EIF3L: variants seen among roughly 807,000 people sequenced by gnomAD.
EIF3L encodes the protein eIEF associated protein HSPC021.
In EIF3L, 32 loss-of-function variants were observed where a neutral mutation model predicts 74.6. The observed-to-expected ratio is 0.43, with a 90% CI of 0.32 to 0.58. EIF3L has a LOEUF of 0.58. Ranked by LOEUF, EIF3L falls within the 20% of genes least tolerant of loss-of-function variation. The pLI is 0.06. For missense variants in EIF3L, 474 were observed against 707.8 expected, an observed-to-expected ratio of 0.67 and a Z score of 3.75; for synonymous variants, 256 against 254.4, an observed-to-expected ratio of 1.01 and a Z score of -0.06.
chr22:37,868,468 C>T (rs1032076974), intron 7 of EIF3L, among the ~76,000 whole-genome samples: 4 of 148,640 alleles, frequency 2.7e-5, no homozygotes, highest in Non-Finnish European at 6.0e-5. Flanking sequence ...TTTTTTTCCC[C>T]CCTAAGGCGG....
At chr22:37,859,288 A>C (rs1424039373) in intron 5 of EIF3L, among the ~76,000 whole-genome samples, 1 of 150,990 alleles carries the variant, frequency 6.6e-6, no homozygotes, top group Non-Finnish European at 1.5e-5. Flanking sequence ...TTGTTATAAC[A>C]CCAGTATTCT....
intron 4 of EIF3L, among the ~76,000 whole-genome samples, chr22:37,857,363 G>C (rs111282864): frequency 0.065 from 5,724 of 88,014 alleles, 491 homozygotes; most frequent in African/African-American, 0.26. Flanking sequence ...GAGCAAGACT[G>C]CGTCCCAAAA....
intron 8 of EIF3L, among the ~76,000 whole-genome samples, chr22:37,872,454 C>T (rs1450877153): frequency 6.6e-6 from 1 of 152,058 alleles, no homozygotes; most frequent in Non-Finnish European, 1.5e-5. Context: ...TATTGGTTCT[C>T]TGAGTTATAA....
At chr22:37,888,280 GCA>G in intron 12 of EIF3L, 144 bp from the exon 13 acceptor site, 1 of 737,450 alleles carries the variant, frequency 1.4e-6, no homozygotes, top group Non-Finnish European at 2.3e-6. Flanking sequence ...TCACGGCTTT[GCA>G]CACACATAGT....
chr22:37,859,364 C>A (rs1021589814), intron 5 of EIF3L, among the ~76,000 whole-genome samples: 34 of 101,920 alleles, frequency 3.3e-4, no homozygotes, highest in Admixed American at 9.8e-4. Context: ...TTATAGAGTA[C>A]GTGAAGTTTC....
chr22:37,884,974 G>C (rs550414256), intron 11 of EIF3L: 1 of 123,810 alleles, frequency 8.1e-6, no homozygotes, highest in Admixed American at 1.0e-4. Flanking sequence ...CTGGAGTGCA[G>C]TGGCAAAATC....
intron 8 of EIF3L, among the ~76,000 whole-genome samples, chr22:37,871,488 A>T (rs1182162641): frequency 6.6e-6 from 1 of 150,892 alleles, no homozygotes; most frequent in Non-Finnish European, 1.5e-5. Context: ...TTAAAAGATT[A>T]TAATAAAGTT....
intron 8 of EIF3L, among the ~76,000 whole-genome samples, chr22:37,871,896 A>G (rs1926497914): frequency 6.7e-6 from 1 of 150,274 alleles, no homozygotes; most frequent in South Asian, 2.1e-4. Context: ...AAAAAAAGAT[A>G]TCTCATTAGG....
Position 37,870,267 on chromosome 22 carries a change from T to C in EIF3L, c.671T>C (p.Val224Ala), listed in dbSNP as rs1926399792. 1 of 1,613,968 alleles carries C rather than the reference T, an allele frequency of 6.2e-7. No individual in the cohort carries two copies. Among genetic ancestry groups the C allele is most frequent in the African/African-American group, 1.3e-5 (1 of 74,930 alleles). The change falls in exon 8 of 13, where the codon GTT becomes GCT. Residue 224 changes from valine (V) to alanine (A), a missense_variant. Physicochemically the swap from Val to Ala is moderately conservative, Grantham distance 64. Coordinates refer to ENST00000652021, the MANE Select transcript of EIF3L (RefSeq NM_016091.4). ...CGTTCCAATCCCAAAATCTGGAATG[T>C]TCATAGTGTCCTCAATGTCCTTCAT... ...FLRSNPKIWNVHSVLNVLHSL... is the reference protein window; with the variant it reads ...FLRSNPKIWNAHSVLNVLHSL...
chr22:37,860,419 G>A (rs895649214), intron 5 of EIF3L, among the ~76,000 whole-genome samples: 4 of 152,138 alleles, frequency 2.6e-5, no homozygotes, highest in South Asian at 2.1e-4. Context: ...CAGTGGCGCC[G>A]TCTCGGCTCA....
intron 2 of EIF3L, chr22:37,850,432 C>T (rs1210819661): frequency 8.6e-6 from 2 of 233,712 alleles, no homozygotes; most frequent in Non-Finnish European, 1.8e-5. Flanking sequence ...GTCCCTCGTT[C>T]AAGCAGTAGT....
chr22:37,878,417 TAAAAAAA>T (rs34181613), intron 11 of EIF3L: 4 of 143,208 alleles, frequency 2.8e-5, no homozygotes, highest in South Asian at 4.3e-4. Context: ...TTTTCTCTAT[TAAAAAAA>T]AAAAAAAAAA....
intron 4 of EIF3L, among the ~76,000 whole-genome samples, chr22:37,857,157 C>T (rs1288218029): frequency 1.3e-5 from 2 of 151,598 alleles, no homozygotes; most frequent in African/African-American, 4.8e-5. Context: ...GTCAGGAGAT[C>T]GAGACCATCC....
At chr22:37,852,891 G>A (rs1332455581) in intron 3 of EIF3L, among the ~76,000 whole-genome samples, 1 of 152,126 alleles carries the variant, frequency 6.6e-6, no homozygotes, top group Non-Finnish European at 1.5e-5. Context: ...TTCGGAGGTT[G>A]AACACCTCCA....
chr22:37,871,001 C>T (rs1202730050), intron 8 of EIF3L, among the ~76,000 whole-genome samples: 1 of 151,780 alleles, frequency 6.6e-6, no homozygotes, highest in African/African-American at 2.4e-5. Context: ...GGTGGGGTGC[C>T]CCTGTAGTCC....
Position 37,849,999 on chromosome 22 carries a change from G to A in EIF3L, c.34-16G>A. 6.2e-7 allele frequency: 1 copy of A among 1,613,602 alleles called. No individual in the cohort carries two copies. The highest frequency in any genetic ancestry group is 8.5e-7 in the Non-Finnish European group (1 of 1,179,704). Reference sequence around the variant, plus strand: ...CGACTTGGCGGCTGTCCTTGACTGTGTCTCTTTCCTTCTAGGCGGCTTATG... The same window carrying A: ...CGACTTGGCGGCTGTCCTTGACTGTATCTCTTTCCTTCTAGGCGGCTTATG... On this transcript the variant is annotated splice_polypyrimidine_tract_variant and intron_variant, in intron 1 of 12. Coordinates refer to ENST00000652021, the MANE Select transcript of EIF3L (RefSeq NM_016091.4).
At chr22:37,873,134 G>A (rs189252621) in intron 8 of EIF3L, among the ~76,000 whole-genome samples, 170 of 150,064 alleles carry the variant, frequency 1.1e-3, no homozygotes, top group African/African-American at 3.8e-3. Context: ...GACTGCAGGT[G>A]TGCACCACCA....
chr22:37,856,642 C>T (rs1382629963), intron 4 of EIF3L, among the ~76,000 whole-genome samples: 1 of 151,756 alleles, frequency 6.6e-6, no homozygotes, highest in Admixed American at 6.6e-5. Context: ...GTCGGGAGTT[C>T]GAGACCAGCC....
rs1347058676 is a variant in EIF3L at position 37,850,063 on chromosome 22, G to A, written c.82G>A (p.Gly28Arg). 1 of 1,613,612 alleles carries A rather than the reference G, an allele frequency of 6.2e-7. No individual in the cohort carries two copies. The highest frequency in any genetic ancestry group is 1.7e-5 in the Admixed American group (1 of 59,992). The change falls in exon 2 of 13, where the codon GGA becomes AGA. Residue 28 changes from glycine (G) to arginine (R), a missense_variant and splice_region_variant. Around this residue, in one of 4 missense-constraint regions of EIF3L, gnomAD observed 141 missense variants for 197.7 expected, o/e 0.71. Coordinates refer to ENST00000652021, the MANE Select transcript of EIF3L (RefSeq NM_016091.4). ...TCCCAGCGACTATGATATGCACACA[G>A]GTGAGACCACGGGTTAGGCTGGCTG... ...AYPSDYDMHT[G>R]DPKQDLAYER... is the part of the protein sequence containing the mutation.
Sources: allele counts gnomAD v4.1 joint callset (sites outside exome capture counted in the v4.1 genomes callset), GRCh38; gene constraint gnomAD v4.1.1; regional missense constraint gnomAD v4.1.1; transcripts MANE v1.5; gene names NCBI Gene and HGNC (gene_info 2026-07-23, HGNC 2026-07-21).